Variants in KCNQ5 observed in about 807,000 individuals in gnomAD.
KCNQ5 encodes potassium voltage-gated channel subfamily KQT member 5.
KCNQ5 carries 30 observed loss-of-function variants against 98.2 expected under a neutral mutation model. The observed-to-expected ratio is 0.31, with a 90% CI of 0.23 to 0.41. The LOEUF is 0.41. Among genes scored for constraint, KCNQ5 ranks in the 10% least tolerant of loss-of-function variants. The pLI is 1.00. For missense variants in KCNQ5, 835 were observed against 1,182.5 expected (o/e 0.71, Z 4.31); for synonymous variants, 458 against 449.4 (o/e 1.02, Z -0.24).
intron 1 of KCNQ5, among the ~76,000 whole-genome samples, chr6:72,792,848 A>G (rs1774129801): frequency 6.6e-6 from 1 of 152,222 alleles, no homozygotes; most frequent in African/African-American, 2.4e-5. Flanking sequence ...ATTGCAGCAG[A>G]CAGTAATACC....
At chr6:73,162,942 G>A (rs918810600) in intron 10 of KCNQ5, among the ~76,000 whole-genome samples, 13 of 152,166 alleles carry the variant, frequency 8.5e-5, no homozygotes, top group Non-Finnish European at 1.6e-4. Context: ...GTGTGTGTGA[G>A]CATGCTCTGC....
chr6:73,153,600 C>T (rs986125886), intron 10 of KCNQ5, among the ~76,000 whole-genome samples: 1 of 152,014 alleles, frequency 6.6e-6, no homozygotes, highest in Non-Finnish European at 1.5e-5. Context: ...GCTATGAAAG[C>T]CTCCCATAGA....
rs184074835 is a variant in KCNQ5, at chr6:72,640,095, G to T, written c.398+17508G>T. On this transcript the variant is annotated intron_variant, in intron 1 of 13. Transcript: ENST00000370398. The stretch of plus-strand genomic sequence containing the variant: ...AGAAGGCTACCTGGTGTGTGAGATT[G>T]TGAGAATTTCTCTAACAGTAGTGTG... 2.6e-5 allele frequency among the ~76,000 whole-genome samples: 4 copies of T among 152,272 alleles called. No individual in the cohort carries two copies. In the East Asian group the frequency reaches 7.7e-4, roughly 29 times the overall value.
chr6:72,883,850 G>T (rs1778749486), intron 1 of KCNQ5, among the ~76,000 whole-genome samples: 1 of 152,140 alleles, frequency 6.6e-6, no homozygotes, highest in Non-Finnish European at 1.5e-5. Context: ...AAATAAGGCA[G>T]ATTAAGAAGA....
chr6:72,759,631 T>C (rs1432300224), intron 1 of KCNQ5, among the ~76,000 whole-genome samples: 1 of 152,138 alleles, frequency 6.6e-6, no homozygotes, highest in East Asian at 1.9e-4. Flanking sequence ...GTTGTGCCCC[T>C]TTCTTCTCAA....
At chr6:72,800,982 T>C (rs1774617372) in intron 1 of KCNQ5, among the ~76,000 whole-genome samples, 2 of 151,982 alleles carry the variant, frequency 1.3e-5, no homozygotes, top group Admixed American at 6.6e-5. Flanking sequence ...TGCACTGTGG[T>C]CTGAGAGACA....
intron 1 of KCNQ5, among the ~76,000 whole-genome samples, chr6:72,904,158 T>C (rs1779611366): frequency 6.6e-6 from 1 of 152,180 alleles, no homozygotes; most frequent in Non-Finnish European, 1.5e-5. Flanking sequence ...TTTAAATGTG[T>C]TTTGTCTGAT....
intron 1 of KCNQ5, among the ~76,000 whole-genome samples, chr6:72,922,763 A>G (rs1202361032): frequency 7.3e-6 from 1 of 137,194 alleles, no homozygotes; most frequent in East Asian, 2.1e-4. Context: ...GCTTAATAAT[A>G]TTTCATTGGG....
intron 1 of KCNQ5, among the ~76,000 whole-genome samples, chr6:72,656,552 C>T (rs1489766391): frequency 1.3e-5 from 2 of 152,158 alleles, no homozygotes; most frequent in Non-Finnish European, 2.9e-5. Context: ...TATTAAAATG[C>T]ATTTAATTAT....
chr6:72,900,561 C>T lies in KCNQ5; in HGVS notation c.399-103347C>T, dbSNP rs928100987. Among the ~76,000 whole-genome samples, 6 of 147,376 alleles carry T rather than the reference C, an allele frequency of 4.1e-5. No individual in the cohort carries two copies. In the East Asian group the frequency reaches 7.8e-4, roughly 19 times the overall value. On this transcript the variant is annotated intron_variant, in intron 1 of 13. Transcript: ENST00000370398. ...TCTTTATTCCCTGTTGATTGATGGG[C>T]ATTTGGGTTGGTTCCACAATTTTGC...
intron 1 of KCNQ5, among the ~76,000 whole-genome samples, chr6:72,997,732 G>A (rs540831447): frequency 6.8e-5 from 9 of 132,752 alleles, no homozygotes; most frequent in African/African-American, 1.7e-4. Context: ...GCAGTGAGCC[G>A]AGATTGCGTC....
At chr6:72,685,465 C>T (rs1767905563) in intron 1 of KCNQ5, among the ~76,000 whole-genome samples, 1 of 152,190 alleles carries the variant, frequency 6.6e-6, no homozygotes, top group Non-Finnish European at 1.5e-5. Context: ...AGAATTCTTC[C>T]ATCCCGTTCC....
chr6:73,057,335 G>A (rs1242837196), intron 3 of KCNQ5, among the ~76,000 whole-genome samples: 1 of 113,744 alleles, frequency 8.8e-6, no homozygotes, highest in Non-Finnish European at 1.9e-5. Context: ...TCATGGGGTG[G>A]GGGGAAGGGG....
At chr6:72,786,768 A>G (rs1316374784) in intron 1 of KCNQ5, among the ~76,000 whole-genome samples, 1 of 152,104 alleles carries the variant, frequency 6.6e-6, no homozygotes. Context: ...GCACTTTGGG[A>G]GGCAGAGGCG....
intron 1 of KCNQ5, among the ~76,000 whole-genome samples, chr6:72,742,391 C>T (rs945400408): frequency 6.6e-6 from 1 of 152,148 alleles, no homozygotes; most frequent in Non-Finnish European, 1.5e-5. Flanking sequence ...TGCAAAAGTT[C>T]TACTTGATCT....
chr6:72,649,589 C>A (rs1399972499), intron 1 of KCNQ5, among the ~76,000 whole-genome samples: 1 of 152,132 alleles, frequency 6.6e-6, no homozygotes, highest in Non-Finnish European at 1.5e-5. Context: ...ACACAAATGA[C>A]CAGAATATAC....
chr6:72,690,309 G>A (rs925611019), intron 1 of KCNQ5, among the ~76,000 whole-genome samples: 2 of 152,106 alleles, frequency 1.3e-5, no homozygotes, highest in African/African-American at 4.8e-5. Flanking sequence ...AAACATAGTT[G>A]CTGTCCTATG....
At chr6:72,934,279 CAAT>C (rs1176694822) in intron 1 of KCNQ5, among the ~76,000 whole-genome samples, 8 of 151,968 alleles carry the variant, frequency 5.3e-5, no homozygotes, top group African/African-American at 1.7e-4. Flanking sequence ...CTATATATAT[CAAT>C]GATGATGGTG....
At chr6:73,174,642 C>T (rs78311887) in intron 11 of KCNQ5, among the ~76,000 whole-genome samples, 3,083 of 152,262 alleles carry the variant, frequency 0.02, 53 homozygotes, top group Non-Finnish European at 0.032. Flanking sequence ...CCCCTCCTCC[C>T]ACCCTCCCTG....
Sources: gnomAD v4.1 joint callset for allele counts (sites outside exome capture counted in the v4.1 genomes callset) on GRCh38, gnomAD v4.1.1 for gene constraint, MANE v1.5 for transcripts, NCBI Gene and HGNC (gene_info 2026-07-23, HGNC 2026-07-21) for gene names.